The following NNT variants were observed in gnomAD, a reference collection of about 807,000 sequenced individuals.
NNT encodes the protein nicotinamide nucleotide transhydrogenase, also known as NAD(P) transhydrogenase, mitochondrial.
Under a neutral mutation model 104.8 loss-of-function variants are expected in NNT, and 50 were observed. The observed-to-expected ratio is 0.48, with a 90% CI of 0.38 to 0.60. The LOEUF (loss-of-function observed/expected upper bound fraction) is 0.60. Among genes scored for constraint, NNT ranks in the 20% least tolerant of loss-of-function variants. The pLI, the probability that NNT is intolerant of heterozygous loss-of-function variation, is 0.00. For synonymous variants in NNT, 461 were observed against 490.4 expected (o/e 0.94, Z 0.79); for missense variants, 1,131 against 1,330.7 (o/e 0.85, Z 2.33).
intron 19 of NNT, among the ~76,000 whole-genome samples, chr5:43,686,678 C>T (rs1423780727): frequency 6.6e-6 from 1 of 152,070 alleles, no homozygotes; most frequent in Non-Finnish European, 1.5e-5. Context: ...ATTTGAAAAA[C>T]AGATGAACAT....
At chr5:43,652,736 A>C (rs1244551285) in intron 13 of NNT, among the ~76,000 whole-genome samples, 2 of 152,178 alleles carry the variant, frequency 1.3e-5, no homozygotes, top group Non-Finnish European at 2.9e-5. Flanking sequence ...CATGTGGCAA[A>C]GCCCCTGGCA....
intron 17 of NNT, among the ~76,000 whole-genome samples, chr5:43,672,553 C>T (rs1285760642): frequency 6.6e-6 from 1 of 152,220 alleles, no homozygotes; most frequent in Non-Finnish European, 1.5e-5. Flanking sequence ...AGGTCCACTC[C>T]AGACCGTGTT....
intron 6 of NNT, 57 bp downstream of exon 6, chr5:43,624,177 A>G (rs1750241342): frequency 6.9e-7 from 1 of 1,448,722 alleles, no homozygotes; most frequent in South Asian, 1.1e-5. Context: ...TCAGGGGCAT[A>G]TTATGATTGC....
At chr5:43,659,500 G>A (rs1740242015) in intron 17 of NNT, 150 bp downstream of exon 17, 2 of 614,206 alleles carry the variant, frequency 3.3e-6, no homozygotes, top group Admixed American at 3.4e-5. Flanking sequence ...GGAGGCCAAG[G>A]CAGGTGGATC....
At chr5:43,673,059 C>CTG (rs766971686) in intron 17 of NNT, among the ~76,000 whole-genome samples, 1 of 152,230 alleles carries the variant, frequency 6.6e-6, no homozygotes, top group Non-Finnish European at 1.5e-5. Context: ...GAGCGAGGCT[C>CTG]TGTGGGCATG....
intron 7 of NNT, among the ~76,000 whole-genome samples, chr5:43,629,446 C>T (rs1431892882): frequency 6.6e-6 from 1 of 152,124 alleles, no homozygotes; most frequent in African/African-American, 2.4e-5. Context: ...CATGTGTATG[C>T]AATGTCTTTT....
intron 16 of NNT, among the ~76,000 whole-genome samples, 199 bp downstream of exon 16, chr5:43,657,012 T>G (rs1357634123): frequency 5.3e-5 from 8 of 152,238 alleles, no homozygotes; most frequent in Admixed American, 3.9e-4. Flanking sequence ...TCTTGCAACT[T>G]AATTGTTCAT....
chr5:43,697,853 G>A (rs1308225490), intron 19 of NNT, among the ~76,000 whole-genome samples: 1 of 152,136 alleles, frequency 6.6e-6, no homozygotes, highest in Non-Finnish European at 1.5e-5. Context: ...ACTATCACGA[G>A]ACCAGCATGG....
chr5:43,653,351 C>T (rs1410955334), intron 14 of NNT, 138 bp downstream of exon 14: 10 of 775,848 alleles, frequency 1.3e-5, no homozygotes, highest in Admixed American at 3.0e-5. Context: ...AAATTCATTC[C>T]AGTTGGTGTA....
chr5:43,637,213 T>C (rs1033808339), intron 7 of NNT, among the ~76,000 whole-genome samples: 12 of 152,148 alleles, frequency 7.9e-5, no homozygotes, highest in Non-Finnish European at 1.3e-4. Context: ...GGTTGCTGTA[T>C]GTACTATGGA....
rs765921718 is a variant in NNT at position 43,702,756 on chromosome 5, T to C, written c.3111+20T>C. On this transcript the variant is annotated intron_variant, in intron 21 of 21. Transcript: ENST00000344920. ...AAGCAGGTAAAGTTTCAGACTTGTA[T>C]TTCATTCTGATAATCAAAGGTCACT... 1 of 1,527,496 alleles carries C rather than the reference T, an allele frequency of 6.5e-7. No homozygotes were observed. The highest frequency in any genetic ancestry group is 1.2e-5 in the South Asian group (1 of 86,534). 94.6% of individuals were successfully genotyped at this position (1,527,496 alleles called of 1,614,324 possible).
intron 6 of NNT, among the ~76,000 whole-genome samples, chr5:43,626,232 G>C (rs73751787): frequency 6.6e-6 from 1 of 152,026 alleles, no homozygotes; most frequent in Non-Finnish European, 1.5e-5. Flanking sequence ...AAACAATATG[G>C]TATAACAACT....
At chr5:43,700,001 G>A in intron 19 of NNT, 118 bp from the exon 20 acceptor site, 1 of 688,856 alleles carries the variant, frequency 1.5e-6, no homozygotes, top group South Asian at 2.0e-5. Flanking sequence ...AGATCAGATA[G>A]TACCAGAAAA....
intron 10 of NNT, among the ~76,000 whole-genome samples, chr5:43,646,439 G>A (rs965981954): frequency 3.3e-5 from 5 of 151,294 alleles, no homozygotes; most frequent in East Asian, 1.9e-4. Context: ...ACAGGCGCAT[G>A]CCACCACGCC....
At chr5:43,681,447 G>A (rs1399801575) in intron 19 of NNT, among the ~76,000 whole-genome samples, 1 of 151,840 alleles carries the variant, frequency 6.6e-6, no homozygotes, top group Non-Finnish European at 1.5e-5. Context: ...CACCCAGGCT[G>A]GAGGGCAGTG....
At chr5:43,695,929 C>A (rs1245646664) in intron 19 of NNT, among the ~76,000 whole-genome samples, 1 of 152,132 alleles carries the variant, frequency 6.6e-6, no homozygotes, top group East Asian at 1.9e-4. Context: ...CAGTTACCTC[C>A]CACTGGGTCT....
chr5:43,615,311 A>C (rs755174056), intron 3 of NNT, among the ~76,000 whole-genome samples: 4 of 152,220 alleles, frequency 2.6e-5, no homozygotes, highest in South Asian at 2.1e-4. Flanking sequence ...ACTAGTGTGA[A>C]TTGTGTTCAT....
At chr5:43,661,324 G>A (rs1453302527) in intron 17 of NNT, among the ~76,000 whole-genome samples, 1 of 152,114 alleles carries the variant, frequency 6.6e-6, no homozygotes, top group African/African-American at 2.4e-5. Context: ...TGATGAATTT[G>A]AATGACCAGC....
At chr5:43,656,251 G>A (rs1453825778) in intron 15 of NNT, among the ~76,000 whole-genome samples, 178 bp downstream of exon 15, 1 of 152,042 alleles carries the variant, frequency 6.6e-6, no homozygotes, top group Non-Finnish European at 1.5e-5. Flanking sequence ...ACCAGCCTGG[G>A]CAACATAGCG....
Sources: gnomAD v4.1 joint callset for allele counts (sites outside exome capture counted in the v4.1 genomes callset) on GRCh38, gnomAD v4.1.1 for gene constraint, MANE v1.5 for transcripts, NCBI Gene and HGNC (gene_info 2026-07-23, HGNC 2026-07-21) for gene names.